The following BBS2 variants were observed in gnomAD, a reference collection of about 807,000 sequenced individuals.
The protein encoded by BBS2 is BBSome complex member BBS2.
BBS2 carries 62 observed loss-of-function variants against 83.0 expected under a neutral mutation model. The observed-to-expected ratio is 0.75, with a 90% CI of 0.61 to 0.92. BBS2 has a LOEUF of 0.92. BBS2 is among the 40% of genes least tolerant of loss of function. The pLI, the probability that BBS2 is intolerant of heterozygous loss-of-function variation, is 0.00. For missense variants in BBS2, 784 were observed against 901.0 expected (o/e 0.87, Z 1.66); for synonymous variants, 303 against 326.1 (o/e 0.93, Z 0.76).
chr16:56,470,819 CT>C (rs1963135797), intron 17 of BBS2: 1 of 1,531,758 alleles, frequency 6.5e-7, no homozygotes, highest in African/African-American at 1.4e-5. Flanking sequence ...TTTGTCCTTA[CT>C]TACCATTAAC....
chr16:56,479,374 T>C (rs1283976725), downstream of BBS2, among the ~76,000 whole-genome samples: 1 of 152,122 alleles, frequency 6.6e-6, no homozygotes, highest in East Asian at 1.9e-4. Context: ...CTTGGGAGGC[T>C]GAGGCAGGAG....
intron 1 of BBS2, among the ~76,000 whole-genome samples, chr16:56,515,346 T>C (rs1964703593): frequency 6.6e-6 from 1 of 152,234 alleles, no homozygotes; most frequent in African/African-American, 2.4e-5. Context: ...AGGTTTGGAC[T>C]ATAAAATGCA....
At position 56,499,842 on chromosome 16, in the gene BBS2, C is replaced by T; in HGVS notation, c.1463G>A (p.Ser488Asn). Reference sequence around the variant, plus strand: ...GATTGGCTCACTGGCAGGGTCCAGGCTGGTCAGCGCATACATGGAGAATCG... The same window carrying T: ...GATTGGCTCACTGGCAGGGTCCAGGTTGGTCAGCGCATACATGGAGAATCG... ...LPRFSMYALT[S>N]LDPASEPISY... The change falls in exon 12 of 17, where the codon AGC becomes AAC. Residue 488 changes from serine to asparagine, a missense_variant. Physicochemically the swap from Ser to Asn is conservative, Grantham distance 46. Transcript: ENST00000245157. The T allele has an allele frequency of 1.2e-6, 2 of 1,614,174 alleles. No individual in the cohort carries two copies. Among genetic ancestry groups the T allele is most frequent in the Non-Finnish European group, 1.7e-6 (2 of 1,180,026 alleles).
intron 7 of BBS2, among the ~76,000 whole-genome samples, chr16:56,505,393 G>C (rs1964395029): frequency 6.6e-6 from 1 of 152,148 alleles, no homozygotes; most frequent in Non-Finnish European, 1.5e-5. Context: ...GAAAGCGAGG[G>C]CAAATGGTAT....
In BBS2 at chr16:56,498,472, C is replaced by A. The variant is rs556899786; in HGVS notation, c.1624G>T (p.Gly542Cys). The change falls in exon 13 of 17, where the codon GGC becomes TGC. Residue 542 changes from glycine to cysteine, a missense_variant. Gly to Cys is a radical substitution (Grantham distance 159). Coordinates refer to ENST00000245157, the MANE Select transcript of BBS2 (RefSeq NM_031885.5). ...QVCFTSLRNG[G>C]HLHIKIKLSG... is the part of the protein sequence containing the mutation. ...AGTTTTATTTTTATATGCAGGTGGC[C>A]GCCATTCCGTAAAGATGTGAAACAC... The A allele has an allele frequency of 4.3e-6, 7 of 1,613,952 alleles. No individual in the cohort carries two copies. The highest frequency in any genetic ancestry group is 5.9e-6 in the Non-Finnish European group (7 of 1,179,990).
At chr16:56,506,254 C>A (rs1356048939) in intron 5 of BBS2, 30 bp from the exon 6 acceptor site, 2 of 1,527,526 alleles carry the variant, frequency 1.3e-6, no homozygotes, top group South Asian at 1.1e-5. Context: ...AACACAACAT[C>A]TTTTCATTAA....
At chr16:56,512,536 GCAA>G (rs1335340275) in intron 2 of BBS2, among the ~76,000 whole-genome samples, 24 of 152,138 alleles carry the variant, frequency 1.6e-4, no homozygotes, top group African/African-American at 5.1e-4. Context: ...TTGTTGCTTA[GCAA>G]CAACAACAAA....
At chr16:56,486,145 C>A (rs1963769898) in intron 15 of BBS2, among the ~76,000 whole-genome samples, 1 of 152,126 alleles carries the variant, frequency 6.6e-6, no homozygotes, top group South Asian at 2.1e-4. Context: ...AAAATTAAAA[C>A]AGAAATGAGA....
Position 56,511,300 on chromosome 16 carries a change from G to A in BBS2, c.346-16C>T. 1 of 1,613,436 alleles carries A rather than the reference G, an allele frequency of 6.2e-7. No individual in the cohort carries two copies. Among genetic ancestry groups the A allele is most frequent in the Non-Finnish European group, 8.5e-7 (1 of 1,179,904 alleles). ...CATCTGCTACCTAAGAAAAGTAAAA[G>A]GACACATTATCTTAGACACGATAAT... On this transcript the variant is annotated splice_polypyrimidine_tract_variant and intron_variant, in intron 2 of 16. Coordinates refer to ENST00000245157, the MANE Select transcript of BBS2 (RefSeq NM_031885.5).
chr16:56,497,557 C>A (rs1964148417), intron 14 of BBS2, 186 bp downstream of exon 14: 1 of 729,150 alleles, frequency 1.4e-6, no homozygotes, highest in Admixed American at 2.5e-5. Context: ...AGGAGCTAAA[C>A]ACTTCCTTTT....
At chr16:56,488,092 G>A (rs1276842520) in intron 15 of BBS2, among the ~76,000 whole-genome samples, 1 of 152,160 alleles carries the variant, frequency 6.6e-6, no homozygotes, top group African/African-American at 2.4e-5. Context: ...TTCACATTGT[G>A]TAGTTCACCA....
chr16:56,486,748 CT>C (rs1190474419), intron 15 of BBS2, among the ~76,000 whole-genome samples: 2,342 of 84,250 alleles, frequency 0.028, 24 homozygotes, highest in African/African-American at 0.084. Context: ...CAGAAATATT[CT>C]TTTTTTTTTT....
At chr16:56,486,679 A>G (rs1963785844) in intron 15 of BBS2, among the ~76,000 whole-genome samples, 1 of 151,064 alleles carries the variant, frequency 6.6e-6, no homozygotes, top group African/African-American at 2.4e-5. Context: ...AAATAAGATG[A>G]GTGGTTTCCA....
At chr16:56,493,533 T>C (rs922673484) in intron 15 of BBS2, among the ~76,000 whole-genome samples, 10 of 151,938 alleles carry the variant, frequency 6.6e-5, no homozygotes, top group Admixed American at 6.6e-4. Context: ...TTATTTATAG[T>C]AAAAGGGAGA....
At chr16:56,500,797 C>A in intron 11 of BBS2, 57 bp downstream of exon 11, 1 of 1,580,200 alleles carries the variant, frequency 6.3e-7, no homozygotes, top group African/African-American at 1.3e-5. Context: ...AAAATTTATA[C>A]ATCTTGCCCT....
In BBS2 at chr16:56,506,035, G is replaced by C. The variant is rs778179694; in HGVS notation, c.719C>G (p.Ser240Trp). The C allele has an allele frequency of 2.5e-6, 4 of 1,613,432 alleles. No homozygotes were observed. Among genetic ancestry groups the C allele is most frequent in the Admixed American group, 1.7e-5 (1 of 60,012 alleles). ...DKTSRYWRIK[S>W]KNHAMSIHAF... ...ATGAATGCTCATGGCATGATTTTTC[G>C]ACTGAAAAAGAATTTTAATAATTAG... The change falls in exon 7 of 17, where the codon TCG becomes TGG. Residue 240 changes from serine to tryptophan, a missense_variant and splice_region_variant. Coordinates refer to ENST00000245157, the MANE Select transcript of BBS2 (RefSeq NM_031885.5).
chr16:56,480,342 C>A (rs540651396), downstream of BBS2, among the ~76,000 whole-genome samples: 9 of 40,600 alleles, frequency 2.2e-4, no homozygotes, highest in African/African-American at 1.7e-3. Context: ...CCCCCTCACA[C>A]ACACACACAC....
chr16:56,477,948 T>C (rs75706598), intron 17 of BBS2: 5 of 152,348 alleles, frequency 3.3e-5, no homozygotes, highest in Non-Finnish European at 7.4e-5. Flanking sequence ...TTCTGCACCC[T>C]AGCCAGTTAA....
intron 1 of BBS2, among the ~76,000 whole-genome samples, chr16:56,517,699 A>T (rs1432527580): frequency 2.0e-5 from 3 of 152,242 alleles, no homozygotes; most frequent in Non-Finnish European, 1.5e-5. Context: ...ACTGCCCAGC[A>T]CATAGTAAGC....
Sources: gnomAD v4.1 joint callset for allele counts (sites outside exome capture counted in the v4.1 genomes callset) on GRCh38, gnomAD v4.1.1 for gene constraint, MANE v1.5 for transcripts, NCBI Gene and HGNC (gene_info 2026-07-23, HGNC 2026-07-21) for gene names.